Variants in SGK3 observed in about 807,000 individuals in gnomAD.
SGK3 encodes the protein serine/threonine-protein kinase Sgk3.
Under a neutral mutation model 68.5 loss-of-function variants are expected in SGK3, and 47 were observed. That is an observed-to-expected ratio of 0.69 (90% CI 0.54 to 0.87). The LOEUF (loss-of-function observed/expected upper bound fraction) is 0.87. SGK3 is among the 40% of genes least tolerant of loss of function. The pLI is 0.00. For synonymous variants in SGK3, 181 were observed against 189.1 expected (o/e 0.96, Z 0.35); for missense variants, 479 against 575.5 (o/e 0.83, Z 1.72).
intron 1 of SGK3, among the ~76,000 whole-genome samples, chr8:66,733,908 A>G (rs980876359): frequency 3.3e-5 from 5 of 152,214 alleles, no homozygotes; most frequent in African/African-American, 9.6e-5. Context: ...TGGCATTGCT[A>G]TGAATCCAAG....
chr8:66,720,661 T>C (rs1804768948), intron 1 of SGK3, among the ~76,000 whole-genome samples: 1 of 151,772 alleles, frequency 6.6e-6, no homozygotes, highest in Non-Finnish European at 1.5e-5. Context: ...TCCCAGCTTC[T>C]TGGGAGGCTG....
chr8:66,768,781 T>C (rs1490093337), intron 1 of SGK3, among the ~76,000 whole-genome samples: 1 of 152,160 alleles, frequency 6.6e-6, no homozygotes, highest in Non-Finnish European at 1.5e-5. Context: ...ACCAGGCTCG[T>C]CTCGAACTCC....
At chr8:66,839,414 C>T (rs1184339475) in intron 10 of SGK3, among the ~76,000 whole-genome samples, 14 of 144,774 alleles carry the variant, frequency 9.7e-5, no homozygotes, top group African/African-American at 3.1e-4. Context: ...AATTTTTACC[C>T]CCAAATTCCC....
At chr8:66,833,988 G>A (rs1272254828) in intron 8 of SGK3, among the ~76,000 whole-genome samples, 1 of 152,204 alleles carries the variant, frequency 6.6e-6, no homozygotes, top group Non-Finnish European at 1.5e-5. Context: ...ACCACACCCA[G>A]CCAGGTGTTT....
At chr8:66,742,969 T>G (rs555017648) in intron 1 of SGK3, among the ~76,000 whole-genome samples, 19 of 152,184 alleles carry the variant, frequency 1.2e-4, no homozygotes, top group Non-Finnish European at 2.6e-4. Context: ...TTACTTACCT[T>G]CCTTTCACCT....
At chr8:66,769,642 A>G (rs1165888029) in intron 1 of SGK3, among the ~76,000 whole-genome samples, 2 of 152,158 alleles carry the variant, frequency 1.3e-5, no homozygotes, top group Admixed American at 6.5e-5. Context: ...TTTCCACTTT[A>G]GAGATTATTG....
intron 10 of SGK3, among the ~76,000 whole-genome samples, chr8:66,839,205 A>C (rs1450599475): frequency 1.3e-5 from 2 of 152,014 alleles, no homozygotes; most frequent in African/African-American, 4.8e-5. Flanking sequence ...CTTAGAAGCC[A>C]AGGGACCCAG....
At chr8:66,802,588 G>T (rs1325916534) in intron 3 of SGK3, among the ~76,000 whole-genome samples, 1 of 151,826 alleles carries the variant, frequency 6.6e-6, no homozygotes, top group Non-Finnish European at 1.5e-5. Context: ...TACTCAGGGG[G>T]CTGAGGGGAG....
At chr8:66,775,469 C>A in intron 1 of SGK3, 1 of 152,210 alleles carries the variant, frequency 6.6e-6, no homozygotes, top group Non-Finnish European at 1.5e-5. Context: ...ATCACGAGCG[C>A]GGGGCGGGGC....
intron 4 of SGK3, among the ~76,000 whole-genome samples, chr8:66,806,009 C>G (rs1255657258): frequency 6.6e-6 from 1 of 152,176 alleles, no homozygotes; most frequent in Non-Finnish European, 1.5e-5. Flanking sequence ...TGCTCTTTAT[C>G]CTGCACCTTT....
At chr8:66,746,851 A>T (rs1406512192) in intron 1 of SGK3, among the ~76,000 whole-genome samples, 1 of 152,028 alleles carries the variant, frequency 6.6e-6, no homozygotes, top group East Asian at 1.9e-4. Context: ...GTAAGCCATC[A>T]TGTGGGCCTA....
Position 66,823,394 on chromosome 8 carries a change from T to TG in SGK3, c.417+935_417+936insG, listed in dbSNP as rs1048259530. On this transcript the variant is annotated intron_variant, in intron 6 of 16. Transcript: ENST00000521198. ...CAGAGAATAGGGTAGCCTTGTTTTT[T>TG]TTTTTTTTTGTTAATTTTTTTTGAG... 5.8e-4 allele frequency among the ~76,000 whole-genome samples: 88 copies of TG among 151,942 alleles called. 1 individual carries two copies. Among genetic ancestry groups the TG allele is most frequent in the African/African-American group, 1.7e-3 (71 of 41,392 alleles).
chr8:66,819,495 A>G (rs1469457698), intron 5 of SGK3, among the ~76,000 whole-genome samples: 1 of 152,214 alleles, frequency 6.6e-6, no homozygotes, highest in Non-Finnish European at 1.5e-5. Flanking sequence ...TCATTGAGTA[A>G]TTTTTAGTAC....
chr8:66,812,857 C>T (rs1170012941), intron 4 of SGK3, among the ~76,000 whole-genome samples: 1 of 152,002 alleles, frequency 6.6e-6, no homozygotes, highest in East Asian at 1.9e-4. Context: ...TTTCTAATTC[C>T]AAGAAAAGTG....
At chr8:66,761,555 G>C (rs1806164491) in intron 1 of SGK3, among the ~76,000 whole-genome samples, 1 of 152,142 alleles carries the variant, frequency 6.6e-6, no homozygotes, top group African/African-American at 2.4e-5. Flanking sequence ...GATCACAAGA[G>C]GCTAGGTGTT....
chr8:66,738,956 T>C (rs1805404509), intron 1 of SGK3, among the ~76,000 whole-genome samples: 1 of 152,152 alleles, frequency 6.6e-6, no homozygotes, highest in South Asian at 2.1e-4. Flanking sequence ...AGGACATCTT[T>C]CCTGTAACCA....
chr8:66,725,060 A>G (rs1370249154), intron 1 of SGK3, among the ~76,000 whole-genome samples: 1 of 152,068 alleles, frequency 6.6e-6, no homozygotes, highest in Non-Finnish European at 1.5e-5. Context: ...CCCCATCTCT[A>G]CTAAAAATAC....
chr8:66,791,180 A>G (rs1807438925), intron 1 of SGK3, among the ~76,000 whole-genome samples: 1 of 152,158 alleles, frequency 6.6e-6, no homozygotes, highest in Non-Finnish European at 1.5e-5. Context: ...TAGATAAACC[A>G]CTGATGTCAG....
chr8:66,724,638 CTT>C (rs2130348383), intron 1 of SGK3, among the ~76,000 whole-genome samples: 1 of 152,292 alleles, frequency 6.6e-6, no homozygotes, highest in African/African-American at 2.4e-5. Flanking sequence ...AAACTAAAGT[CTT>C]TGTCCCACTG....
Sources: allele counts gnomAD v4.1 joint callset (sites outside exome capture counted in the v4.1 genomes callset), GRCh38; gene constraint gnomAD v4.1.1; transcripts MANE v1.5; gene names NCBI Gene and HGNC (gene_info 2026-07-23, HGNC 2026-07-21).